GRXCR1: variants seen among roughly 807,000 people sequenced by gnomAD.
GRXCR1 encodes glutaredoxin and cysteine rich domain containing 1.
GRXCR1 carries 27 observed loss-of-function variants against 27.3 expected under a neutral mutation model. The observed-to-expected ratio is 0.99, with a 90% confidence interval of 0.73 to 1.37. GRXCR1 has a LOEUF of 1.37. Ranked by LOEUF, GRXCR1 falls within the 40% of genes most tolerant of loss-of-function variation. GRXCR1 has a pLI of 0.00. For missense variants in GRXCR1, 379 were observed against 354.4 expected (o/e 1.07, Z -0.56); for synonymous variants, 122 against 131.1 (o/e 0.93, Z 0.47).
rs115290720 is a variant in GRXCR1, at chr4:43,026,914, C to T, written c.694-3447C>T. On this transcript the variant is annotated intron_variant, in intron 3 of 3. Coordinates refer to ENST00000399770, the MANE Select transcript of GRXCR1 (RefSeq NM_001080476.3). ...ATTTTTCCTGAGAATGGAAGTAGCCCGAGAATCTTTCCAGCACTATTCTCC... is the reference window on the plus strand; with the variant it reads ...ATTTTTCCTGAGAATGGAAGTAGCCTGAGAATCTTTCCAGCACTATTCTCC... 4.9e-3 allele frequency among the ~76,000 whole-genome samples: 751 copies of T among 152,230 alleles called. 10 individuals carry two copies. The highest frequency in any genetic ancestry group is 0.015 in the African/African-American group (637 of 41,538).
chr4:42,952,338 G>A (rs551113215), intron 1 of GRXCR1, among the ~76,000 whole-genome samples: 1 of 152,034 alleles, frequency 6.6e-6, no homozygotes, highest in Non-Finnish European at 1.5e-5. Context: ...AAAGAAGAAG[G>A]CAGCTGAGAG....
chr4:43,000,474 T>TAA (rs35604158), intron 2 of GRXCR1, among the ~76,000 whole-genome samples: 15 of 112,722 alleles, frequency 1.3e-4, no homozygotes, highest in Non-Finnish European at 1.6e-4. Context: ...GGCTCTATCT[T>TAA]AAAAAAAAAA....
intron 2 of GRXCR1, among the ~76,000 whole-genome samples, chr4:42,986,146 A>G (rs1484326328): frequency 6.6e-6 from 1 of 152,192 alleles, no homozygotes; most frequent in Non-Finnish European, 1.5e-5. Flanking sequence ...TTGGTTGAAC[A>G]TAGCCCAAGA....
intron 1 of GRXCR1, among the ~76,000 whole-genome samples, chr4:42,961,117 C>T (rs1344463929): frequency 6.6e-6 from 1 of 151,778 alleles, no homozygotes; most frequent in African/African-American, 2.4e-5. Flanking sequence ...TTTCTGTTCT[C>T]ATGTTAGTTT....
chr4:42,960,779 A>C (rs1465258149), intron 1 of GRXCR1, among the ~76,000 whole-genome samples: 1 of 151,806 alleles, frequency 6.6e-6, no homozygotes, highest in East Asian at 1.9e-4. Context: ...AAAGATACAC[A>C]GGTGGCCAGT....
intron 2 of GRXCR1, among the ~76,000 whole-genome samples, chr4:42,971,818 G>C (rs1427114485): frequency 1.3e-5 from 2 of 152,088 alleles, no homozygotes; most frequent in Non-Finnish European, 2.9e-5. Context: ...AAGACAGCTA[G>C]AAAGTAGGAT....
intron 2 of GRXCR1, among the ~76,000 whole-genome samples, chr4:43,018,412 T>C (rs1712998347): frequency 6.6e-6 from 1 of 152,210 alleles, no homozygotes; most frequent in South Asian, 2.1e-4. Flanking sequence ...CAGTGACCAT[T>C]ATGCCTTTAA....
chr4:42,933,814 T>C (rs894474526), intron 1 of GRXCR1, among the ~76,000 whole-genome samples: 17 of 151,854 alleles, frequency 1.1e-4, no homozygotes, highest in Admixed American at 5.9e-4. Flanking sequence ...AGAACTGTTG[T>C]TTAAAGCCAC....
chr4:42,993,617 A>G (rs1712049811), intron 2 of GRXCR1, among the ~76,000 whole-genome samples: 1 of 152,152 alleles, frequency 6.6e-6, no homozygotes, highest in Non-Finnish European at 1.5e-5. Context: ...TGCAAACTCT[A>G]TTTTGTAATA....
Position 43,030,590 on chromosome 4 carries a change from CTTTGGTTTATATATA to C in GRXCR1, c.*52_*66del, listed in dbSNP as rs762856011. On this transcript the variant is annotated 3_prime_UTR_variant, in exon 4 of 4. Coordinates refer to ENST00000399770, the MANE Select transcript of GRXCR1 (RefSeq NM_001080476.3). ...CTCATTTTATTAATCAAAGGCAATA[CTTTGGTTTATATATA>C]TATTTTTAAATGGTTATGTTTATGG... is the stretch of plus-strand genomic sequence containing the variant. 1 of 1,421,094 alleles carries C rather than the reference CTTTGGTTTATATATA, an allele frequency of 7.0e-7. No individual in the cohort carries two copies. Among genetic ancestry groups the C allele is most frequent in the South Asian group, 1.1e-5 (1 of 86,982 alleles). The allele number at this position is 1,421,094 out of a possible 1,614,324, so 88.0% of individuals were successfully genotyped here. A position where few individuals can be genotyped will look rare whatever the true frequency, so the allele number is the denominator to read the frequency against.
intron 1 of GRXCR1, among the ~76,000 whole-genome samples, chr4:42,901,708 T>C (rs943584357): frequency 6.6e-6 from 1 of 152,202 alleles, no homozygotes; most frequent in African/African-American, 2.4e-5. Flanking sequence ...AAGCTTATTT[T>C]GTACATGAAA....
intron 2 of GRXCR1, among the ~76,000 whole-genome samples, chr4:43,009,701 A>G (rs994449915): frequency 2.6e-5 from 4 of 152,116 alleles, no homozygotes; most frequent in African/African-American, 7.2e-5. Flanking sequence ...GTCCTCTTTT[A>G]TAAGGGCATT....
chr4:42,954,245 T>C (rs1045516489), intron 1 of GRXCR1, among the ~76,000 whole-genome samples: 1 of 152,108 alleles, frequency 6.6e-6, no homozygotes, highest in Non-Finnish European at 1.5e-5. Flanking sequence ...CATAGTGCGA[T>C]GAGGGAAGGC....
intron 1 of GRXCR1, among the ~76,000 whole-genome samples, chr4:42,902,821 C>T (rs1746491071): frequency 6.6e-6 from 1 of 152,152 alleles, no homozygotes; most frequent in Non-Finnish European, 1.5e-5. Flanking sequence ...ACATCCTGCA[C>T]ATGTACCCCT....
chr4:43,017,298 C>T (rs1302384629), intron 2 of GRXCR1, among the ~76,000 whole-genome samples: 1 of 152,070 alleles, frequency 6.6e-6, no homozygotes, highest in Non-Finnish European at 1.5e-5. Context: ...TACCATTTTT[C>T]AATAATACAA....
At chr4:42,914,064 C>T (rs185790469) in intron 1 of GRXCR1, among the ~76,000 whole-genome samples, 5 of 152,304 alleles carry the variant, frequency 3.3e-5, no homozygotes, top group African/African-American at 1.2e-4. Flanking sequence ...GTGCAGAGCC[C>T]TCAAGGAGAA....
intron 2 of GRXCR1, among the ~76,000 whole-genome samples, chr4:42,965,042 G>A (rs1748206752): frequency 6.6e-6 from 1 of 152,062 alleles, no homozygotes; most frequent in African/African-American, 2.4e-5. Flanking sequence ...CAGGTATAAA[G>A]TTGGCTGTTC....
chr4:43,030,010 A>G (rs1357802699), intron 3 of GRXCR1, among the ~76,000 whole-genome samples: 3 of 152,192 alleles, frequency 2.0e-5, no homozygotes, highest in African/African-American at 4.8e-5. Context: ...TGGGAAAGTT[A>G]AAGTATTTTC....
intron 2 of GRXCR1, among the ~76,000 whole-genome samples, chr4:42,966,484 A>G (rs1748240591): frequency 6.6e-6 from 1 of 152,118 alleles, no homozygotes; most frequent in South Asian, 2.1e-4. Flanking sequence ...AAGAGTAAAG[A>G]CCACTAGTAT....
Sources: gnomAD v4.1 joint callset for allele counts (sites outside exome capture counted in the v4.1 genomes callset) on GRCh38, gnomAD v4.1.1 for gene constraint, MANE v1.5 for transcripts, NCBI Gene and HGNC (gene_info 2026-07-23, HGNC 2026-07-21) for gene names.